NR6A1: variants seen among roughly 807,000 people sequenced by gnomAD.
NR6A1 encodes nuclear receptor subfamily 6 group A member 1.
In NR6A1, 7 loss-of-function variants were observed where a neutral mutation model predicts 59.1. The observed-to-expected ratio is 0.12, with a 90% CI of 0.07 to 0.22. The LOEUF (loss-of-function observed/expected upper bound fraction) is 0.22, where lower values mean the gene tolerates loss of function less well. Ranked by LOEUF, NR6A1 falls within the 10% of genes least tolerant of loss-of-function variation. The pLI, the probability that NR6A1 is intolerant of heterozygous loss-of-function variation, is 1.00. For missense variants in NR6A1, 468 were observed against 611.6 expected, an observed-to-expected ratio of 0.77 and a Z score of 2.48; for synonymous variants, 243 against 236.1, an observed-to-expected ratio of 1.03 and a Z score of -0.27.
intron 2 of NR6A1, among the ~76,000 whole-genome samples, chr9:124,712,396 G>A (rs1839303083): frequency 6.6e-6 from 1 of 152,072 alleles, no homozygotes; most frequent in South Asian, 2.1e-4. Flanking sequence ...ACCACTTGAG[G>A]CCAGGAGCTG....
chr9:124,653,612 T>C (rs1837165445), intron 2 of NR6A1, among the ~76,000 whole-genome samples: 1 of 152,212 alleles, frequency 6.6e-6, no homozygotes, highest in Non-Finnish European at 1.5e-5. Context: ...CTTACTATGT[T>C]GCTAAGGCTG....
At chr9:124,584,844 A>T (rs944080191) in intron 2 of NR6A1, among the ~76,000 whole-genome samples, 2 of 152,206 alleles carry the variant, frequency 1.3e-5, no homozygotes, top group Non-Finnish European at 2.9e-5. Flanking sequence ...CAAAAGCTAG[A>T]AATCGTTAAG....
chr9:124,544,709 T>G (rs73579822), intron 3 of NR6A1, among the ~76,000 whole-genome samples: 1 of 152,222 alleles, frequency 6.6e-6, no homozygotes, highest in African/African-American at 2.4e-5. Context: ...GGCTAAAGCA[T>G]AGGGGAAGGG....
At chr9:124,593,469 C>T (rs1835186632) in intron 2 of NR6A1, among the ~76,000 whole-genome samples, 1 of 152,160 alleles carries the variant, frequency 6.6e-6, no homozygotes, top group South Asian at 2.1e-4. Flanking sequence ...AGATTACTTA[C>T]TCAATGCTTT....
At chr9:124,748,819 C>T (rs1225141540) in intron 1 of NR6A1, among the ~76,000 whole-genome samples, 5 of 149,436 alleles carry the variant, frequency 3.3e-5, no homozygotes, top group Non-Finnish European at 5.9e-5. Context: ...GAGCTGAGAT[C>T]GCGCCACTGC....
chr9:124,770,429 G>A (rs182913545), intron 1 of NR6A1: 1 of 152,408 alleles, frequency 6.6e-6, no homozygotes, highest in Non-Finnish European at 1.5e-5. Context: ...GAACGCTCGA[G>A]GCTGCAGAAG....
intron 2 of NR6A1, among the ~76,000 whole-genome samples, chr9:124,658,957 T>C (rs1444631133): frequency 6.6e-6 from 1 of 152,242 alleles, no homozygotes; most frequent in Non-Finnish European, 1.5e-5. Context: ...TCAGTTATTA[T>C]AAGGAACACA....
intron 2 of NR6A1, among the ~76,000 whole-genome samples, chr9:124,714,954 C>T: frequency 6.6e-6 from 1 of 152,126 alleles, no homozygotes. Flanking sequence ...AATCCCAGCA[C>T]TTTCGGAGGC....
At chr9:124,678,367 C>G (rs921854452) in intron 2 of NR6A1, among the ~76,000 whole-genome samples, 10 of 152,166 alleles carry the variant, frequency 6.6e-5, no homozygotes, top group African/African-American at 2.4e-4. Context: ...AACTGTAGAA[C>G]TTAGTATTTC....
chr9:124,605,851 A>C (rs1043984649), intron 2 of NR6A1, among the ~76,000 whole-genome samples: 3 of 152,114 alleles, frequency 2.0e-5, no homozygotes, highest in Admixed American at 1.3e-4. Context: ...TCTTGAATCC[A>C]TCTATTTGTT....
rs1355827013 is a variant in NR6A1 at position 124,519,534 on chromosome 9, G to C, written c.*3171C>G. 1 of 152,158 alleles carries C rather than the reference G, an allele frequency of 6.6e-6. No homozygotes were observed. Among genetic ancestry groups the C allele is most frequent in the Non-Finnish European group, 1.5e-5 (1 of 68,038 alleles). 9.4% of individuals were successfully genotyped at this position (152,158 alleles called of 1,614,324 possible). On this transcript the variant is annotated 3_prime_UTR_variant, in exon 10 of 10. Coordinates refer to ENST00000487099, the MANE Select transcript of NR6A1 (RefSeq NM_033334.4). ...AGGAGAGGGAGGGAAAGGCTTGCAT[G>C]TTTCAATGTAGTGCAAGGAGGTGGG...
At chr9:124,770,683 A>C (rs1588870833) in intron 1 of NR6A1, among the ~76,000 whole-genome samples, 1 of 67,192 alleles carries the variant, frequency 1.5e-5, no homozygotes, top group Non-Finnish European at 2.8e-5. Flanking sequence ...ACCCGGGGGG[A>C]GGAGGGAGGA....
intron 2 of NR6A1, among the ~76,000 whole-genome samples, chr9:124,615,050 G>A (rs1364210877): frequency 6.6e-6 from 1 of 152,154 alleles, no homozygotes; most frequent in Non-Finnish European, 1.5e-5. Flanking sequence ...GGATTCCACT[G>A]AATGTTTCTA....
intron 2 of NR6A1, among the ~76,000 whole-genome samples, chr9:124,615,796 T>C (rs980880124): frequency 3.9e-5 from 6 of 152,156 alleles, no homozygotes; most frequent in African/African-American, 1.4e-4. Flanking sequence ...AGAAAAACTT[T>C]GCCACTTAGT....
intron 1 of NR6A1, among the ~76,000 whole-genome samples, chr9:124,757,447 T>C (rs930055796): frequency 7.3e-6 from 1 of 136,736 alleles, no homozygotes; most frequent in African/African-American, 2.8e-5. Context: ...ATATACTGTA[T>C]GACTAAAAAA....
In NR6A1 at chr9:124,771,122, G is replaced by T; in HGVS notation, c.-3C>A. On this transcript the variant is annotated 5_prime_UTR_variant, in exon 1 of 10. Coordinates refer to ENST00000487099, the MANE Select transcript of NR6A1 (RefSeq NM_033334.4). ...GGCGGCGGTTCGTCCCGCTCCATGC[G>T]GTGGTGCCTAGGGTCCGCGCCGGGT... 8.2e-7 allele frequency: 1 copy of T among 1,226,860 alleles called. No homozygotes were observed. The highest frequency in any genetic ancestry group is 3.2e-5 in the East Asian group (1 of 31,592). The allele number at this position is 1,226,860 out of a possible 1,614,324, so 76.0% of individuals were successfully genotyped here. A position where few individuals can be genotyped will look rare whatever the true frequency, so the allele number is the denominator to read the frequency against.
chr9:124,764,662 ATC>A (rs1270781700), intron 1 of NR6A1, among the ~76,000 whole-genome samples: 1 of 152,260 alleles, frequency 6.6e-6, no homozygotes, highest in Admixed American at 6.5e-5. Flanking sequence ...TCAAGCAAAT[ATC>A]TGTTAGATAC....
At chr9:124,749,249 T>C (rs1840428077) in intron 1 of NR6A1, among the ~76,000 whole-genome samples, 1 of 144,102 alleles carries the variant, frequency 6.9e-6, no homozygotes, top group Admixed American at 7.1e-5. Flanking sequence ...GCAACAAGAG[T>C]GAAACTCCAT....
chr9:124,635,054 T>C (rs1007844323), intron 2 of NR6A1, among the ~76,000 whole-genome samples: 3 of 152,140 alleles, frequency 2.0e-5, no homozygotes, highest in African/African-American at 7.2e-5. Flanking sequence ...GTGTTGTATA[T>C]TAAATGGGTT....
Sources: gnomAD v4.1 joint callset for allele counts (sites outside exome capture counted in the v4.1 genomes callset) on GRCh38, gnomAD v4.1.1 for gene constraint, MANE v1.5 for transcripts, NCBI Gene and HGNC (gene_info 2026-07-23, HGNC 2026-07-21) for gene names.